Variants in AGBL4 observed in about 807,000 individuals in gnomAD.
The protein encoded by AGBL4 is cytosolic carboxypeptidase 6.
A neutral mutation model predicts 66.4 loss-of-function variants in AGBL4; 58 were observed. That is an observed-to-expected ratio of 0.87 (90% CI 0.71 to 1.09). The LOEUF is 1.09. Among genes scored for constraint, AGBL4 ranks in the 50% least tolerant of loss-of-function variants. The pLI is 0.00. For synonymous variants in AGBL4, 234 were observed against 222.9 expected, an observed-to-expected ratio of 1.05 and a Z score of -0.44; for missense variants, 579 against 631.0, an observed-to-expected ratio of 0.92 and a Z score of 0.88.
intron 4 of AGBL4, among the ~76,000 whole-genome samples, chr1:49,059,599 T>A (rs1449075191): frequency 2.0e-5 from 3 of 152,124 alleles, no homozygotes; most frequent in Non-Finnish European, 4.4e-5. Flanking sequence ...GAATGGTACA[T>A]CCACTGACAG....
At chr1:48,800,831 G>A (rs1225734799) in intron 6 of AGBL4, among the ~76,000 whole-genome samples, 1 of 152,178 alleles carries the variant, frequency 6.6e-6, no homozygotes, top group African/African-American at 2.4e-5. Context: ...GCCAGGATAA[G>A]TATTCAGGTT....
intron 3 of AGBL4, among the ~76,000 whole-genome samples, chr1:49,551,270 C>T (rs890390628): frequency 6.6e-6 from 1 of 152,134 alleles, no homozygotes. Context: ...AGTTAAATAA[C>T]AAACCTCCCA....
chr1:49,911,981 G>A (rs1650883097), intron 1 of AGBL4, among the ~76,000 whole-genome samples: 1 of 152,182 alleles, frequency 6.6e-6, no homozygotes, highest in Non-Finnish European at 1.5e-5. Flanking sequence ...TTCCCTGACT[G>A]GCATGCCAAC....
chr1:49,044,739 G>C (rs1644035011), intron 5 of AGBL4, among the ~76,000 whole-genome samples: 2 of 152,112 alleles, frequency 1.3e-5, no homozygotes, highest in Non-Finnish European at 2.9e-5. Flanking sequence ...AAGTGATACA[G>C]CATGAAAAAG....
intron 1 of AGBL4, among the ~76,000 whole-genome samples, chr1:49,852,649 G>C (rs1165933032): frequency 6.6e-6 from 1 of 151,952 alleles, no homozygotes; most frequent in African/African-American, 2.4e-5. Flanking sequence ...AGAGGAAGAG[G>C]AACAATAAAA....
intron 1 of AGBL4, among the ~76,000 whole-genome samples, chr1:49,886,407 G>A (rs931364179): frequency 3.3e-5 from 5 of 152,126 alleles, no homozygotes; most frequent in African/African-American, 1.2e-4. Flanking sequence ...TCTGGAGAGA[G>A]AAAAAGTAGC....
intron 9 of AGBL4, among the ~76,000 whole-genome samples, chr1:48,622,487 T>TC (rs1645431310): frequency 1.4e-5 from 2 of 143,886 alleles, no homozygotes; most frequent in Non-Finnish European, 3.0e-5. Flanking sequence ...TTTTTTTTTT[T>TC]TTTTTTTTTT....
intron 3 of AGBL4, among the ~76,000 whole-genome samples, chr1:49,661,970 A>C (rs1416283057): frequency 1.3e-5 from 2 of 152,092 alleles, no homozygotes; most frequent in Admixed American, 1.3e-4. Context: ...ATGCAATTAC[A>C]TTAGCTGGCA....
chr1:49,063,477 G>A (rs1644437949), intron 4 of AGBL4, among the ~76,000 whole-genome samples: 23 of 152,310 alleles, frequency 1.5e-4, no homozygotes, highest in Admixed American at 7.2e-4. Flanking sequence ...CCACACTGGA[G>A]TTTAGAAGCA....
chr1:49,742,258 C>G (rs1197513621), intron 2 of AGBL4, among the ~76,000 whole-genome samples: 1 of 150,042 alleles, frequency 6.7e-6, no homozygotes, highest in Non-Finnish European at 1.5e-5. Flanking sequence ...ACACCAATAA[C>G]AGACAAACAG....
intron 3 of AGBL4, among the ~76,000 whole-genome samples, chr1:49,250,422 A>G (rs1483772282): frequency 6.6e-6 from 1 of 151,338 alleles, no homozygotes; most frequent in African/African-American, 2.4e-5. Flanking sequence ...GGGAACCCTG[A>G]ACTACACACA....
chr1:49,208,382 C>G (rs535578125), intron 4 of AGBL4, among the ~76,000 whole-genome samples: 1 of 152,142 alleles, frequency 6.6e-6, no homozygotes, highest in Non-Finnish European at 1.5e-5. Context: ...TTTGATGAAG[C>G]CTTAGGTCAT....
intron 3 of AGBL4, among the ~76,000 whole-genome samples, chr1:49,682,025 C>A (rs1646704480): frequency 6.6e-6 from 1 of 152,036 alleles, no homozygotes; most frequent in African/African-American, 2.4e-5. Context: ...AAAAGTACAG[C>A]AAACTATTTC....
chr1:49,987,375 T>C (rs1477825084), intron 1 of AGBL4, among the ~76,000 whole-genome samples: 1 of 151,992 alleles, frequency 6.6e-6, no homozygotes, highest in Non-Finnish European at 1.5e-5. Context: ...TCTAAAATAG[T>C]TCTTCCTAAA....
chr1:49,728,214 CATT>C (rs1270292415), intron 2 of AGBL4, among the ~76,000 whole-genome samples: 1 of 152,088 alleles, frequency 6.6e-6, no homozygotes, highest in East Asian at 1.9e-4. Context: ...AAGGAAAATC[CATT>C]TTGCAAAATA....
chr1:49,930,851 A>G (rs1653268714), intron 1 of AGBL4, among the ~76,000 whole-genome samples: 1 of 152,166 alleles, frequency 6.6e-6, no homozygotes, highest in South Asian at 2.1e-4. Context: ...GGAGCAAACC[A>G]AGGATATCTA....
intron 3 of AGBL4, among the ~76,000 whole-genome samples, chr1:49,382,007 T>A (rs1644625613): frequency 6.6e-6 from 1 of 151,156 alleles, no homozygotes; most frequent in Non-Finnish European, 1.5e-5. Context: ...AATAATAAAA[T>A]AAAAATAAAA....
intron 11 of AGBL4, among the ~76,000 whole-genome samples, chr1:48,579,915 C>CAAAAAAA (rs35518235): frequency 3.0e-5 from 2 of 65,738 alleles, no homozygotes; most frequent in African/African-American, 5.9e-5. Context: ...GACTCCGCCT[C>CAAAAAAA]AAAAAAAAAA....
At chr1:48,862,877 A>C (rs1647622742) in intron 6 of AGBL4, among the ~76,000 whole-genome samples, 1 of 152,228 alleles carries the variant, frequency 6.6e-6, no homozygotes, top group South Asian at 2.1e-4. Context: ...TACCCAGCCA[A>C]GTTATCATTC....
Sources: allele counts gnomAD v4.1 joint callset (sites outside exome capture counted in the v4.1 genomes callset), GRCh38; gene constraint gnomAD v4.1.1; transcripts MANE v1.5; gene names NCBI Gene and HGNC (gene_info 2026-07-23, HGNC 2026-07-21).